DPP10: variants seen among roughly 807,000 people sequenced by gnomAD.
DPP10 encodes dipeptidyl peptidase like 10.
DPP10 carries 33 observed loss-of-function variants against 120.9 expected under a neutral mutation model. The ratio of observed to expected loss-of-function variants is 0.27; its 90% CI spans 0.21 to 0.37. DPP10 has a LOEUF of 0.37. Among genes scored for constraint, DPP10 ranks in the 10% least tolerant of loss-of-function variants. The probability of loss-of-function intolerance (pLI) is 1.00; values close to 1 mark genes in which losing one functional copy is unlikely to be tolerated. For synonymous variants in DPP10, 337 were observed against 326.1 expected, an observed-to-expected ratio of 1.03 and a Z score of -0.36; for missense variants, 816 against 942.8, an observed-to-expected ratio of 0.87 and a Z score of 1.76.
intron 1 of DPP10, among the ~76,000 whole-genome samples, chr2:115,214,033 T>C (rs894617579): frequency 2.8e-4 from 43 of 152,210 alleles, no homozygotes; most frequent in African/African-American, 9.9e-4. Context: ...ATTTAGACTT[T>C]GGTTTTGTAG....
At chr2:115,767,837 G>T (rs749660259) in intron 12 of DPP10, among the ~76,000 whole-genome samples, 8 of 152,054 alleles carry the variant, frequency 5.3e-5, no homozygotes, top group Non-Finnish European at 1.2e-4. Context: ...TATCAGAAAA[G>T]AATCTTCAAG....
At chr2:114,856,137 A>G (rs993593512) in intron 1 of DPP10, among the ~76,000 whole-genome samples, 1 of 152,230 alleles carries the variant, frequency 6.6e-6, no homozygotes, top group Non-Finnish European at 1.5e-5. Flanking sequence ...AAAATTGGAA[A>G]TAAATATATT....
intron 3 of DPP10, among the ~76,000 whole-genome samples, chr2:115,357,857 G>A (rs2064504178): frequency 6.6e-6 from 1 of 152,186 alleles, no homozygotes; most frequent in Non-Finnish European, 1.5e-5. Context: ...AACACCATGT[G>A]GAAGCTTCCA....
chr2:115,274,972 A>T (rs544685535), intron 1 of DPP10, among the ~76,000 whole-genome samples: 5 of 152,088 alleles, frequency 3.3e-5, no homozygotes, highest in African/African-American at 4.8e-5. Context: ...ATAGAATCCT[A>T]TTTTGTTTTC....
At chr2:115,633,936 A>G (rs2086106043) in intron 5 of DPP10, among the ~76,000 whole-genome samples, 1 of 151,982 alleles carries the variant, frequency 6.6e-6, no homozygotes, top group African/African-American at 2.4e-5. Context: ...TCATAGGTTC[A>G]GTCTTTTTAC....
intron 1 of DPP10, among the ~76,000 whole-genome samples, chr2:115,012,819 C>T (rs537279627): frequency 6.6e-6 from 1 of 152,240 alleles, no homozygotes; most frequent in East Asian, 1.9e-4. Flanking sequence ...CAAAGCAAGA[C>T]AAAATTTCTG....
chr2:115,157,634 G>C (rs906160318), intron 1 of DPP10, among the ~76,000 whole-genome samples: 3 of 152,246 alleles, frequency 2.0e-5, no homozygotes, highest in Non-Finnish European at 4.4e-5. Context: ...CTGGTTTTCT[G>C]TCCAGGGACA....
intron 5 of DPP10, among the ~76,000 whole-genome samples, chr2:115,656,477 C>T (rs1421248203): frequency 6.6e-6 from 1 of 151,362 alleles, no homozygotes; most frequent in South Asian, 2.1e-4. Flanking sequence ...ACCTCTCTTC[C>T]CCCTTTTTAA....
intron 1 of DPP10, among the ~76,000 whole-genome samples, chr2:115,179,308 G>T (rs183438932): frequency 3.1e-4 from 47 of 152,146 alleles, no homozygotes; most frequent in African/African-American, 1.1e-3. Context: ...ATGTTTGAAT[G>T]ACACTGTGAA....
intron 1 of DPP10, among the ~76,000 whole-genome samples, chr2:115,306,926 T>C (rs2061380122): frequency 6.6e-6 from 1 of 152,120 alleles, no homozygotes; most frequent in African/African-American, 2.4e-5. Flanking sequence ...TATGTATGGG[T>C]CCAAATAACT....
At chr2:115,632,339 G>A (rs976578986) in intron 5 of DPP10, among the ~76,000 whole-genome samples, 16 of 152,012 alleles carry the variant, frequency 1.1e-4, no homozygotes, top group Admixed American at 2.0e-4. Flanking sequence ...ACACTGATGG[G>A]TCTTGACTCT....
chr2:115,111,583 T>G (rs2049224109), intron 1 of DPP10, among the ~76,000 whole-genome samples: 1 of 152,116 alleles, frequency 6.6e-6, no homozygotes, highest in African/African-American at 2.4e-5. Flanking sequence ...GGTGTGATCT[T>G]GGGCAAGGTG....
intron 1 of DPP10, among the ~76,000 whole-genome samples, chr2:114,753,691 C>T (rs1427481933): frequency 2.6e-5 from 4 of 151,926 alleles, no homozygotes; most frequent in Non-Finnish European, 5.9e-5. Flanking sequence ...GGGCAGATCA[C>T]GAGGTCAGGA....
chr2:115,488,810 G>A (rs531213430), intron 3 of DPP10, among the ~76,000 whole-genome samples: 131 of 131,448 alleles, frequency 1.0e-3, no homozygotes, highest in African/African-American at 3.6e-3. Context: ...CAGCGCACCA[G>A]CATGGCACAT....
At chr2:114,570,090 CCTT>C (rs1383949147) in intron 1 of DPP10, among the ~76,000 whole-genome samples, 8 of 152,258 alleles carry the variant, frequency 5.3e-5, no homozygotes, top group Non-Finnish European at 1.0e-4. Context: ...AAGTTTGTCT[CCTT>C]CTCTTCTTTC....
At chr2:115,804,070 A>G (rs926686440) in intron 19 of DPP10, among the ~76,000 whole-genome samples, 4 of 152,180 alleles carry the variant, frequency 2.6e-5, no homozygotes, top group South Asian at 4.1e-4. Context: ...AGGTACACCA[A>G]TCAGACGTAG....
intron 7 of DPP10, among the ~76,000 whole-genome samples, chr2:115,718,616 C>G (rs947237299): frequency 6.6e-6 from 1 of 151,930 alleles, no homozygotes; most frequent in African/African-American, 2.4e-5. Flanking sequence ...TAAATTAATG[C>G]CCTCATCCAT....
chr2:114,565,761 A>C (rs532543486), intron 1 of DPP10, among the ~76,000 whole-genome samples: 1 of 152,296 alleles, frequency 6.6e-6, no homozygotes. Flanking sequence ...TCCTGGTGTT[A>C]TAATTTACTC....
intron 1 of DPP10, among the ~76,000 whole-genome samples, chr2:114,790,428 T>C (rs1193559309): frequency 1.3e-5 from 2 of 152,198 alleles, no homozygotes; most frequent in South Asian, 2.1e-4. Flanking sequence ...TATATCATAT[T>C]ATGAGTATTA....
Sources: allele counts gnomAD v4.1 joint callset (sites outside exome capture counted in the v4.1 genomes callset), GRCh38; gene constraint gnomAD v4.1.1; transcripts MANE v1.5; gene names NCBI Gene and HGNC (gene_info 2026-07-23, HGNC 2026-07-21).